The following ADAM18 variants were observed in gnomAD, a reference collection of about 807,000 sequenced individuals.
ADAM18 encodes disintegrin and metalloproteinase domain-containing protein 18.
A neutral mutation model predicts 94.4 loss-of-function variants in ADAM18; 117 were observed. The ratio of observed to expected loss-of-function variants is 1.24; its 90% CI spans 1.07 to 1.45. The LOEUF is 1.45. Ranked by LOEUF, ADAM18 falls within the 40% of genes most tolerant of loss-of-function variation. The pLI, the probability that ADAM18 is intolerant of heterozygous loss-of-function variation, is 0.00. For missense variants in ADAM18, 936 were observed against 880.0 expected, an observed-to-expected ratio of 1.06 and a Z score of -0.81; for synonymous variants, 327 against 291.6, an observed-to-expected ratio of 1.12 and a Z score of -1.24.
At chr8:39,674,763 GTTCT>G (rs1821254281) in intron 14 of ADAM18, among the ~76,000 whole-genome samples, 1 of 152,174 alleles carries the variant, frequency 6.6e-6, no homozygotes, top group Non-Finnish European at 1.5e-5. Context: ...GCTAGTACCA[GTTCT>G]TTCTTTCTGT....
chr8:39,658,245 GC>G (rs1563294291), intron 12 of ADAM18, among the ~76,000 whole-genome samples: 1 of 152,068 alleles, frequency 6.6e-6, no homozygotes, highest in Non-Finnish European at 1.5e-5. Context: ...TCTCAAAGTT[GC>G]CCCCATCTCA....
intron 18 of ADAM18, 90 bp from the exon 19 acceptor site, chr8:39,723,658 T>A: frequency 2.2e-6 from 2 of 927,378 alleles, no homozygotes; most frequent in East Asian, 6.4e-5. Flanking sequence ...AACTTCATTA[T>A]ATATACACGT....
chr8:39,679,418 T>A (rs935338867), intron 15 of ADAM18, among the ~76,000 whole-genome samples: 1 of 152,140 alleles, frequency 6.6e-6, no homozygotes, highest in Non-Finnish European at 1.5e-5. Flanking sequence ...TTTTACCCAA[T>A]GATAGATTAC....
intron 14 of ADAM18, among the ~76,000 whole-genome samples, chr8:39,674,995 G>A (rs1424337917): frequency 6.6e-6 from 1 of 152,200 alleles, no homozygotes; most frequent in African/African-American, 2.4e-5. Flanking sequence ...GAGATCCACT[G>A]TTAGTCTGAT....
At chr8:39,690,828 A>C (rs1304119741) in intron 16 of ADAM18, among the ~76,000 whole-genome samples, 1 of 152,214 alleles carries the variant, frequency 6.6e-6, no homozygotes, top group Admixed American at 6.5e-5. Context: ...AACAATTACC[A>C]TTTGACCCAA....
At chr8:39,688,160 G>A (rs1350607985) in intron 16 of ADAM18, among the ~76,000 whole-genome samples, 3 of 152,112 alleles carry the variant, frequency 2.0e-5, no homozygotes, top group Admixed American at 2.0e-4. Flanking sequence ...GATGTGAGAT[G>A]GTACCTCATT....
chr8:39,625,226 T>C (rs1434009719), intron 6 of ADAM18, among the ~76,000 whole-genome samples: 1 of 152,166 alleles, frequency 6.6e-6, no homozygotes, highest in Non-Finnish European at 1.5e-5. Context: ...TGTTCTGTAG[T>C]TTTTCTTGTA....
At position 39,692,606 on chromosome 8, in the gene ADAM18, G is replaced by A. The variant is rs748709547; in HGVS notation, c.1828G>A (p.Val610Ile). ...GTMCGPEMYC[V>I]NKTCRKVHLM... Reference sequence around the variant, plus strand: ...TTTGTTTGTTTTGTTTTAGTACTGTGTAAATAAAACCTGCAGAAAAGTTCA... The same window carrying A: ...TTTGTTTGTTTTGTTTTAGTACTGTATAAATAAAACCTGCAGAAAAGTTCA... The change falls in exon 17 of 20, where the codon GTA becomes ATA. Residue 610 changes from valine (V) to isoleucine (I), a missense_variant. Physicochemically the swap from Val to Ile is conservative, Grantham distance 29 (BLOSUM62 3). Coordinates refer to ENST00000265707, the MANE Select transcript of ADAM18 (RefSeq NM_014237.3). The A allele has an allele frequency of 2.5e-6, 4 of 1,600,496 alleles. No homozygotes were observed. In the South Asian group the frequency reaches 3.4e-5, roughly 13 times the overall value.
intron 16 of ADAM18, 41 bp downstream of exon 16, chr8:39,680,267 A>C (rs1266806049): frequency 6.4e-7 from 1 of 1,557,920 alleles, no homozygotes. Context: ...GTGTTAAATT[A>C]TGTGAATTAT....
intron 12 of ADAM18, among the ~76,000 whole-genome samples, chr8:39,653,117 T>C (rs1820582443): frequency 6.6e-6 from 1 of 152,088 alleles, no homozygotes; most frequent in South Asian, 2.1e-4. Context: ...AAAGATGGAT[T>C]GTATACTTGA....
chr8:39,623,586 TTTTTTGTTTTTG>T lies in ADAM18; in HGVS notation c.523-5771_523-5760del, dbSNP rs568342168. ...TATCTCATTATAATTTTTTGTTTGTTTTTTTGTTTTTGTTTTTGTTTTTGTTTTGAGACGGAG... is the reference window on the plus strand; with the variant it reads ...TATCTCATTATAATTTTTTGTTTGTTTTTTTGTTTTTGTTTTGAGACGGAG... On this transcript the variant is annotated intron_variant, in intron 6 of 19. Coordinates refer to ENST00000265707, the MANE Select transcript of ADAM18 (RefSeq NM_014237.3). Among the ~76,000 whole-genome samples the T allele has an allele frequency of 8.5e-5, 13 of 152,158 alleles. No homozygotes were observed. The South Asian group carries it at 1.7e-3, about 19-fold the overall frequency.
At position 39,696,114 on chromosome 8, in the gene ADAM18, C is replaced by T. The variant is rs541035852; in HGVS notation, c.1902+3434C>T. Among the ~76,000 whole-genome samples, 34 of 151,490 alleles carry T rather than the reference C, an allele frequency of 2.2e-4. No individual in the cohort carries two copies. The South Asian group carries it at 5.0e-3, about 22-fold the overall frequency. ...TAATAGTTGCAAAATGGAATTATCACTGTAGTTTTGATTTCCATTTCCCTA... is the reference window on the plus strand; with the variant it reads ...TAATAGTTGCAAAATGGAATTATCATTGTAGTTTTGATTTCCATTTCCCTA... On this transcript the variant is annotated intron_variant, in intron 17 of 19. Coordinates refer to ENST00000265707, the MANE Select transcript of ADAM18 (RefSeq NM_014237.3).
At chr8:39,703,815 G>A (rs2129581227) in intron 17 of ADAM18, among the ~76,000 whole-genome samples, 1 of 152,056 alleles carries the variant, frequency 6.6e-6, no homozygotes, top group Middle Eastern at 3.4e-3. Context: ...TAGACCACTA[G>A]CTATACTAAC....
intron 17 of ADAM18, 59 bp from the exon 18 acceptor site, chr8:39,706,731 C>A: frequency 1.2e-6 from 1 of 852,292 alleles, no homozygotes; most frequent in Non-Finnish European, 1.9e-6. Context: ...ATACAAAGAC[C>A]TTGTATCAGA....
At chr8:39,621,764 A>T (rs1428297312) in intron 6 of ADAM18, among the ~76,000 whole-genome samples, 2 of 152,210 alleles carry the variant, frequency 1.3e-5, no homozygotes, top group Non-Finnish European at 2.9e-5. Context: ...GAATGAGATC[A>T]TGTAATTGCA....
chr8:39,711,592 C>G (rs1198005280), intron 18 of ADAM18, among the ~76,000 whole-genome samples: 1 of 151,946 alleles, frequency 6.6e-6, no homozygotes, highest in African/African-American at 2.4e-5. Flanking sequence ...AATTCTGGAG[C>G]TGAATGGTAC....
chr8:39,641,197 G>T (rs1050131530), intron 10 of ADAM18, among the ~76,000 whole-genome samples: 1 of 151,924 alleles, frequency 6.6e-6, no homozygotes, highest in East Asian at 1.9e-4. Context: ...GTAAGGAAGG[G>T]GTCCAGTTTC....
rs1216207879 is a variant in ADAM18 at position 39,706,761 on chromosome 8, C to T, written c.1903-29C>T. 3.8e-6 allele frequency: 5 copies of T among 1,320,262 alleles called. No homozygotes were observed. In the South Asian group the frequency reaches 6.1e-5, roughly 16 times the overall value. 81.8% of individuals were successfully genotyped at this position (1,320,262 alleles called of 1,614,324 possible). On this transcript the variant is annotated intron_variant, in intron 17 of 19. Coordinates refer to ENST00000265707, the MANE Select transcript of ADAM18 (RefSeq NM_014237.3). ...ATCAGATACAAAGACTAAGACGACTCAAACTGTTTCTGTATTTTTCTGTTT... is the reference window on the plus strand; with the variant it reads ...ATCAGATACAAAGACTAAGACGACTTAAACTGTTTCTGTATTTTTCTGTTT...
At chr8:39,657,791 T>C (rs1440265275) in intron 12 of ADAM18, among the ~76,000 whole-genome samples, 1 of 151,948 alleles carries the variant, frequency 6.6e-6, no homozygotes, top group South Asian at 2.1e-4. Context: ...GTATTTTGAA[T>C]GAAAAAGACG....
Sources: allele counts gnomAD v4.1 joint callset (sites outside exome capture counted in the v4.1 genomes callset), GRCh38; gene constraint gnomAD v4.1.1; transcripts MANE v1.5; gene names NCBI Gene and HGNC (gene_info 2026-07-23, HGNC 2026-07-21).